MS4A4E: variants seen among roughly 807,000 people sequenced by gnomAD.
MS4A4E encodes the protein membrane spanning 4-domains A4E, also known as putative membrane-spanning 4-domains subfamily A member 4E.
Under a neutral mutation model 13.3 loss-of-function variants are expected in MS4A4E, and 23 were observed. The observed-to-expected ratio is 1.73, with a 90% confidence interval of 1.25 to 2.45. The LOEUF is 2.45. MS4A4E is among the 30% of genes most tolerant of loss of function. The pLI is 0.00. For missense variants in MS4A4E, 144 were observed against 131.2 expected, an observed-to-expected ratio of 1.10 and a Z score of -0.48; for synonymous variants, 36 against 45.6, an observed-to-expected ratio of 0.79 and a Z score of 0.85.
intron 5 of MS4A4E, among the ~76,000 whole-genome samples, chr11:60,211,397 A>G (rs2084119601): frequency 6.6e-6 from 1 of 152,252 alleles, no homozygotes; most frequent in Admixed American, 6.5e-5. Flanking sequence ...TGGTGTGACT[A>G]CGTAGCCCTC....
Position 60,214,552 on chromosome 11 carries a change from C to A in MS4A4E, c.222+19G>T, listed in dbSNP as rs1300434719. 1 of 1,491,694 alleles carries A rather than the reference C, an allele frequency of 6.7e-7. No homozygotes were observed. Among genetic ancestry groups the A allele is most frequent in the Non-Finnish European group, 8.9e-7 (1 of 1,117,382 alleles). The allele number at this position is 1,491,694 out of a possible 1,614,324, so 92.4% of individuals were successfully genotyped here. On this transcript the variant is annotated intron_variant, in intron 4 of 8. Coordinates refer to ENST00000651255, the MANE Select transcript of MS4A4E (RefSeq NM_001393391.1). Reference sequence around the variant, plus strand: ...GATTAATCCTTTCCTTTTGATACCCCCCACAAAACATTACTCACCAGACCT... The same window carrying A: ...GATTAATCCTTTCCTTTTGATACCCACCACAAAACATTACTCACCAGACCT...
intron 4 of MS4A4E, chr11:60,213,378 A>T (rs1167171890): frequency 1.4e-6 from 2 of 1,417,672 alleles, no homozygotes; most frequent in Admixed American, 4.0e-5. Context: ...CAGGGTTTTC[A>T]ATGATTTTTT....
chr11:60,223,344 G>A (rs552940641), intron 3 of MS4A4E, among the ~76,000 whole-genome samples: 65 of 152,218 alleles, frequency 4.3e-4, no homozygotes, highest in Middle Eastern at 3.4e-3. Flanking sequence ...TTAGGTAATA[G>A]CATTTGTATA....
At chr11:60,238,926 C>T (rs556274520) in intron 1 of MS4A4E, among the ~76,000 whole-genome samples, 56 of 152,300 alleles carry the variant, frequency 3.7e-4, no homozygotes, top group Admixed American at 2.7e-3. Flanking sequence ...ACCAGCCTTA[C>T]GACCTATCCC....
chr11:60,225,006 T>G, intron 3 of MS4A4E: 1 of 1,543,862 alleles, frequency 6.5e-7, no homozygotes, highest in Non-Finnish European at 8.7e-7. Flanking sequence ...TACACAAAAA[T>G]GGGATGTTCT....
chr11:60,216,118 TC>T (rs1404879851), intron 3 of MS4A4E, among the ~76,000 whole-genome samples: 1 of 152,078 alleles, frequency 6.6e-6, no homozygotes, highest in Non-Finnish European at 1.5e-5. Context: ...CAGGTGATGT[TC>T]GGAAAAAAAG....
At chr11:60,240,392 C>T (rs1258870844) in intron 1 of MS4A4E, among the ~76,000 whole-genome samples, 1 of 152,192 alleles carries the variant, frequency 6.6e-6, no homozygotes, top group African/African-American at 2.4e-5. Flanking sequence ...GTATTGCTTA[C>T]AGCCTCTGAA....
intron 1 of MS4A4E, among the ~76,000 whole-genome samples, chr11:60,238,927 G>A (rs958088456): frequency 6.6e-6 from 1 of 152,052 alleles, no homozygotes; most frequent in Non-Finnish European, 1.5e-5. Context: ...CCAGCCTTAC[G>A]ACCTATCCCT....
At chr11:60,203,060 T>TATTTTTA (rs1456410599) in intron 8 of MS4A4E, among the ~76,000 whole-genome samples, 3 of 152,324 alleles carry the variant, frequency 2.0e-5, no homozygotes, top group Non-Finnish European at 4.4e-5. Context: ...CTCTTATACT[T>TATTTTTA]AGTACAGTTA....
chr11:60,236,163 A>G (rs2084479820), intron 1 of MS4A4E, among the ~76,000 whole-genome samples: 1 of 152,164 alleles, frequency 6.6e-6, no homozygotes. Flanking sequence ...ATTGTTCTAT[A>G]TGTCTGTCCT....
chr11:60,227,686 C>A lies in MS4A4E; in HGVS notation c.178+908G>T, dbSNP rs372918043. Among the ~76,000 whole-genome samples the A allele has an allele frequency of 1.2e-4, 19 of 152,076 alleles. No individual in the cohort carries two copies. In the South Asian group the frequency reaches 3.7e-3, roughly 30 times the overall value. On this transcript the variant is annotated intron_variant, in intron 3 of 8. Transcript: ENST00000651255. ...AAGGAGTTTTAGGAGTAACACTACC[C>A]ATCTTTAGGACAAACTATAAAGTGA...
intron 3 of MS4A4E, among the ~76,000 whole-genome samples, chr11:60,216,962 C>A (rs767036720): frequency 1.3e-5 from 2 of 152,134 alleles, no homozygotes; most frequent in Non-Finnish European, 2.9e-5. Context: ...CCCTGACTAT[C>A]CTATTAGTTC....
At chr11:60,239,867 A>G (rs776535214) in intron 1 of MS4A4E, among the ~76,000 whole-genome samples, 4 of 152,214 alleles carry the variant, frequency 2.6e-5, no homozygotes, top group Non-Finnish European at 5.9e-5. Flanking sequence ...TTTGGTCTTA[A>G]ACTGAATCCA....
At chr11:60,213,179 A>C in intron 4 of MS4A4E, 47 bp from the exon 5 acceptor site, 1 of 1,016,792 alleles carries the variant, frequency 9.8e-7, no homozygotes, top group East Asian at 2.6e-5. Context: ...TCATCCTCAG[A>C]TATATCTCTG....
At chr11:60,235,522 G>A (rs2084471616) in intron 1 of MS4A4E, among the ~76,000 whole-genome samples, 1 of 152,140 alleles carries the variant, frequency 6.6e-6, no homozygotes, top group South Asian at 2.1e-4. Flanking sequence ...CTTGATTAGC[G>A]ACTACTTGTA....
chr11:60,232,659 T>C (rs2084427239), intron 1 of MS4A4E, among the ~76,000 whole-genome samples: 1 of 151,958 alleles, frequency 6.6e-6, no homozygotes, highest in South Asian at 2.1e-4. Flanking sequence ...GTCTGTTCTA[T>C]CCCAGAGGAG....
chr11:60,241,471 C>T (rs2084550645), intron 1 of MS4A4E, among the ~76,000 whole-genome samples: 1 of 152,070 alleles, frequency 6.6e-6, no homozygotes, highest in South Asian at 2.1e-4. Flanking sequence ...TGTAAGCTTC[C>T]TGAGGGCCGA....
At chr11:60,202,971 T>G (rs1330742927) in intron 8 of MS4A4E, among the ~76,000 whole-genome samples, 1 of 152,192 alleles carries the variant, frequency 6.6e-6, no homozygotes. Context: ...AAATTCCCAC[T>G]TCTAAAACTT....
intron 1 of MS4A4E, among the ~76,000 whole-genome samples, chr11:60,236,484 T>A (rs950943968): frequency 1.3e-5 from 2 of 152,256 alleles, no homozygotes; most frequent in Non-Finnish European, 2.9e-5. Flanking sequence ...TTTAACATTT[T>A]GTAGTATTCG....
Sources: gnomAD v4.1 joint callset for allele counts (sites outside exome capture counted in the v4.1 genomes callset) on GRCh38, gnomAD v4.1.1 for gene constraint, MANE v1.5 for transcripts, NCBI Gene and HGNC (gene_info 2026-07-23, HGNC 2026-07-21) for gene names.